The following SLC5A7 variants were observed in gnomAD, a reference collection of about 807,000 sequenced individuals.
The protein encoded by SLC5A7 is high affinity choline transporter 1.
In SLC5A7, 19 loss-of-function variants were observed where a neutral mutation model predicts 55.4. The observed-to-expected ratio is 0.34, with a 90% CI of 0.24 to 0.50. The LOEUF is 0.50. SLC5A7 is among the 20% of genes least tolerant of loss of function. SLC5A7 has a pLI of 0.98. For synonymous variants in SLC5A7, 265 were observed against 263.7 expected (o/e 1.00, Z -0.05); for missense variants, 506 against 705.3 (o/e 0.72, Z 3.20).
At chr2:107,995,206 A>G (rs1370617049) in intron 4 of SLC5A7, among the ~76,000 whole-genome samples, 2 of 152,202 alleles carry the variant, frequency 1.3e-5, no homozygotes, top group East Asian at 1.9e-4. Context: ...ATGTTACTGC[A>G]CTGAATACTA....
At chr2:107,988,911 T>G (rs1677342995) in intron 2 of SLC5A7, among the ~76,000 whole-genome samples, 1 of 152,140 alleles carries the variant, frequency 6.6e-6, no homozygotes, top group Non-Finnish European at 1.5e-5. Flanking sequence ...ATGTTATGAG[T>G]CCACAGCACT....
At chr2:107,998,412 T>G (rs1215460847) in intron 5 of SLC5A7, among the ~76,000 whole-genome samples, 1 of 152,228 alleles carries the variant, frequency 6.6e-6, no homozygotes, top group East Asian at 1.9e-4. Flanking sequence ...ATTGGAAAAC[T>G]GTGGATTTCA....
chr2:108,010,388 G>A lies in SLC5A7; in HGVS notation c.1270G>A (p.Val424Ile). ...CGTTATCTTCCCCCAGCTGCTTTGT[G>A]TACTCTTTGTTAAGGGAACCAACAC... ...YIVIFPQLLC[V>I]LFVKGTNTYG... Residue 424 changes from valine (V) to isoleucine (I), a missense_variant, in exon 9 of 9, where the codon GTA (valine) becomes ATA (isoleucine). By Grantham distance (29) the Val-to-Ile change is conservative. Transcript: ENST00000264047. 6.2e-7 allele frequency: 1 copy of A among 1,613,922 alleles called. No individual in the cohort carries two copies. The highest frequency in any genetic ancestry group is 8.5e-7 in the Non-Finnish European group (1 of 1,179,938).
chr2:107,994,652 T>C (rs995235970), intron 4 of SLC5A7, among the ~76,000 whole-genome samples: 2 of 152,154 alleles, frequency 1.3e-5, no homozygotes, highest in African/African-American at 4.8e-5. Context: ...ATAATAATAC[T>C]CCACATCCAC....
At chr2:108,004,757 TTCTC>T (rs1388144162) in intron 6 of SLC5A7, among the ~76,000 whole-genome samples, 13 of 152,146 alleles carry the variant, frequency 8.5e-5, no homozygotes, top group Admixed American at 8.5e-4. Flanking sequence ...TCCTATTAGT[TTCTC>T]TCTCAGGTAC....
intron 8 of SLC5A7, among the ~76,000 whole-genome samples, chr2:108,009,139 T>G (rs1052825813): frequency 2.0e-5 from 3 of 152,136 alleles, no homozygotes; most frequent in Non-Finnish European, 4.4e-5. Context: ...GAAGATATCC[T>G]CTCAATTTGA....
chr2:107,990,298 C>T (rs966572376), intron 2 of SLC5A7, among the ~76,000 whole-genome samples: 1 of 152,182 alleles, frequency 6.6e-6, no homozygotes, highest in Non-Finnish European at 1.5e-5. Context: ...TGCAATGATT[C>T]AGTCACCAAT....
chr2:107,994,606 A>G (rs1263320537), intron 4 of SLC5A7, among the ~76,000 whole-genome samples: 1 of 151,988 alleles, frequency 6.6e-6, no homozygotes, highest in Non-Finnish European at 1.5e-5. Context: ...AAAAAGAAAC[A>G]ACTAGGTGGA....
At position 108,010,780 on chromosome 2, in the gene SLC5A7, C is replaced by T. The variant is rs368193168; in HGVS notation, c.1662C>T (p.Ser554=). 8.1e-6 allele frequency: 13 copies of T among 1,613,376 alleles called. No homozygotes were observed. Among genetic ancestry groups the T allele is most frequent in the Non-Finnish European group, 1.1e-5 (13 of 1,179,838 alleles). The change falls in exon 9 of 9, where the codon AGC becomes AGT. Residue 554 remains serine, a synonymous_variant. Coordinates refer to ENST00000264047, the MANE Select transcript of SLC5A7 (RefSeq NM_021815.5). Reference sequence around the variant, plus strand: ...AGCCACGACAGAGCATGACCCTCAGCTCAACTTTCACCAATAAAGAGGCCT... The same window carrying T: ...AGCCACGACAGAGCATGACCCTCAGTTCAACTTTCACCAATAAAGAGGCCT... ...LVKPRQSMTL[S]STFTNKEAFL... is the part of the protein sequence containing the mutation.
At chr2:107,987,400 A>C (rs1309876513) in intron 1 of SLC5A7, among the ~76,000 whole-genome samples, 1 of 152,132 alleles carries the variant, frequency 6.6e-6, no homozygotes, top group Non-Finnish European at 1.5e-5. Context: ...ATGTACCATT[A>C]ATGGGGGGTG....
At chr2:107,998,752 A>T (rs1256874059) in intron 5 of SLC5A7, among the ~76,000 whole-genome samples, 1 of 152,184 alleles carries the variant, frequency 6.6e-6, no homozygotes, top group Non-Finnish European at 1.5e-5. Context: ...CCAGTTGTAG[A>T]TTCTTTAGGG....
intron 6 of SLC5A7, among the ~76,000 whole-genome samples, chr2:108,005,273 T>C (rs1200172652): frequency 1.3e-5 from 2 of 152,242 alleles, no homozygotes; most frequent in Non-Finnish European, 2.9e-5. Flanking sequence ...GCCTTATTCA[T>C]GTTTTTGCTC....
rs1677243411 is a variant in SLC5A7 at position 107,986,555 on chromosome 2, C to CCCTCGCCG, written c.-259_-258insCTCGCCGC. ...CACCTCGCCCTGCGCCGCGCGCCCT[C>CCCTCGCCG]CGCCGGCGCCAACACCTGTCAACTC... is the stretch of plus-strand genomic sequence containing the variant. On this transcript the variant is annotated 5_prime_UTR_variant, in exon 1 of 9. Coordinates refer to ENST00000264047, the MANE Select transcript of SLC5A7 (RefSeq NM_021815.5). 6.5e-6 allele frequency: 1 copy of CCCTCGCCG among 152,760 alleles called. No homozygotes were observed. Among genetic ancestry groups the CCCTCGCCG allele is most frequent in the Non-Finnish European group, 1.5e-5 (1 of 68,502 alleles). The allele number at this position is 152,760 out of a possible 1,614,324, so 9.5% of individuals were successfully genotyped here.
chr2:108,005,554 A>T (rs528357935), intron 6 of SLC5A7, among the ~76,000 whole-genome samples: 4 of 152,346 alleles, frequency 2.6e-5, no homozygotes, highest in Admixed American at 2.0e-4. Flanking sequence ...TTGATGATAC[A>T]TTGTCTTAGT....
At position 107,997,989 on chromosome 2, in the gene SLC5A7, A is replaced by C; in HGVS notation, c.597+3A>C. ...TCTTTTGCATTTTTGTAGGGCTGGT[A>C]AGTGGGAGCACCCAAGATTCTCCTC... On this transcript the variant is annotated splice_donor_region_variant and intron_variant, in intron 5 of 8. Coordinates refer to ENST00000264047, the MANE Select transcript of SLC5A7 (RefSeq NM_021815.5). 6.2e-7 allele frequency: 1 copy of C among 1,609,496 alleles called. No homozygotes were observed. Among genetic ancestry groups the C allele is most frequent in the Non-Finnish European group, 8.5e-7 (1 of 1,178,166 alleles).
In SLC5A7 at chr2:108,010,995, G is replaced by A; in HGVS notation, c.*134G>A. Reference sequence around the variant, plus strand: ...AGGAGAGTAAAAATTCATATAAAGTGCAATTGCACAAATACAAGCCAAGCT... The same window carrying A: ...AGGAGAGTAAAAATTCATATAAAGTACAATTGCACAAATACAAGCCAAGCT... On this transcript the variant is annotated 3_prime_UTR_variant, in exon 9 of 9. Coordinates refer to ENST00000264047, the MANE Select transcript of SLC5A7 (RefSeq NM_021815.5). 1 of 963,726 alleles carries A rather than the reference G, an allele frequency of 1.0e-6. No individual in the cohort carries two copies. The highest frequency in any genetic ancestry group is 2.8e-5 in the South Asian group (1 of 36,344). The allele number at this position is 963,726 out of a possible 1,614,324, so 59.7% of individuals were successfully genotyped here.
intron 2 of SLC5A7, among the ~76,000 whole-genome samples, chr2:107,991,154 T>A (rs1463897164): frequency 2.6e-5 from 4 of 152,206 alleles, no homozygotes; most frequent in Non-Finnish European, 4.4e-5. Flanking sequence ...AAAATATTAA[T>A]CTGTAGATCA....
At chr2:107,988,702 A>G (rs1677336980) in intron 2 of SLC5A7, among the ~76,000 whole-genome samples, 1 of 137,644 alleles carries the variant, frequency 7.3e-6, no homozygotes, top group East Asian at 2.0e-4. Context: ...TGTGATAGGC[A>G]GCATCTCAAC....
At chr2:107,987,060 C>T (rs1677273371) in intron 1 of SLC5A7, among the ~76,000 whole-genome samples, 1 of 151,968 alleles carries the variant, frequency 6.6e-6, no homozygotes, top group South Asian at 2.1e-4. Context: ...GAAGACACAG[C>T]CCGCGGGCGC....
Sources: gnomAD v4.1 joint callset for allele counts (sites outside exome capture counted in the v4.1 genomes callset) on GRCh38, gnomAD v4.1.1 for gene constraint, MANE v1.5 for transcripts, NCBI Gene and HGNC (gene_info 2026-07-23, HGNC 2026-07-21) for gene names.